Variants in NRXN3 observed in about 807,000 individuals in gnomAD.
NRXN3 encodes the protein neurexin 3.
A neutral mutation model predicts 137.6 loss-of-function variants in NRXN3; 32 were observed. The ratio of observed to expected loss-of-function variants is 0.23; its 90% CI spans 0.18 to 0.31. NRXN3 has a LOEUF of 0.31. Ranked by LOEUF, NRXN3 falls within the 10% of genes least tolerant of loss-of-function variation. The pLI, the probability that NRXN3 is intolerant of heterozygous loss-of-function variation, is 1.00. For missense variants in NRXN3, 1,574 were observed against 2,062.5 expected, an observed-to-expected ratio of 0.76 and a Z score of 4.59; for synonymous variants, 798 against 784.5, an observed-to-expected ratio of 1.02 and a Z score of -0.29.
intron 8 of NRXN3, among the ~76,000 whole-genome samples, chr14:78,785,800 A>G (rs1314189058): frequency 6.6e-6 from 1 of 152,190 alleles, no homozygotes; most frequent in Admixed American, 6.5e-5. Flanking sequence ...TGGCCATAGC[A>G]TGTACCTCCA....
intron 15 of NRXN3, among the ~76,000 whole-genome samples, chr14:79,314,923 A>G (rs926729199): frequency 1.3e-5 from 2 of 152,080 alleles, no homozygotes; most frequent in Admixed American, 6.5e-5. Flanking sequence ...GTACATCACC[A>G]TCATCAAAGA....
At chr14:79,611,076 T>C (rs1330192955) in intron 16 of NRXN3, among the ~76,000 whole-genome samples, 1 of 152,156 alleles carries the variant, frequency 6.6e-6, no homozygotes, top group Admixed American at 6.5e-5. Context: ...GCGTCAACTT[T>C]TGGAAAGTCA....
intron 4 of NRXN3, among the ~76,000 whole-genome samples, chr14:78,423,499 C>T (rs2093539613): frequency 6.6e-6 from 1 of 152,138 alleles, no homozygotes; most frequent in South Asian, 2.1e-4. Flanking sequence ...ATGACGGCGC[C>T]TCATCAATAC....
At chr14:79,280,470 A>G (rs763882614) in intron 15 of NRXN3, 14 of 1,613,966 alleles carry the variant, frequency 8.7e-6, no homozygotes, top group Non-Finnish European at 6.8e-6. Flanking sequence ...CACCATTTCC[A>G]TGGCAGCAAG....
intron 8 of NRXN3, among the ~76,000 whole-genome samples, chr14:78,731,719 A>G (rs1391132254): frequency 6.6e-6 from 1 of 151,654 alleles, no homozygotes; most frequent in East Asian, 1.9e-4. Flanking sequence ...TTTGGGAGAT[A>G]TATGTGTATA....
intron 16 of NRXN3, among the ~76,000 whole-genome samples, chr14:79,569,626 T>A (rs1378653400): frequency 2.0e-5 from 3 of 147,008 alleles, no homozygotes; most frequent in African/African-American, 7.9e-5. Context: ...TGTGTGTGTG[T>A]GTGTGAGAGA....
intron 4 of NRXN3, among the ~76,000 whole-genome samples, chr14:78,373,936 A>T (rs1025876931): frequency 3.9e-5 from 6 of 152,200 alleles, no homozygotes; most frequent in African/African-American, 1.4e-4. Context: ...TATTCTTTTT[A>T]AAAAATATTG....
intron 1 of NRXN3, among the ~76,000 whole-genome samples, chr14:78,173,534 C>T (rs1457276737): frequency 6.6e-6 from 1 of 150,784 alleles, no homozygotes; most frequent in African/African-American, 2.4e-5. Flanking sequence ...ATTTTTTCAT[C>T]CCACCACCAA....
intron 20 of NRXN3, among the ~76,000 whole-genome samples, chr14:79,847,793 G>A (rs1568442194): frequency 6.6e-6 from 1 of 151,990 alleles, no homozygotes; most frequent in South Asian, 2.1e-4. Context: ...GAGGGTCAAG[G>A]TAGTATCTTA....
chr14:78,934,843 G>C (rs1435584688), intron 10 of NRXN3, among the ~76,000 whole-genome samples: 1 of 151,932 alleles, frequency 6.6e-6, no homozygotes, highest in Non-Finnish European at 1.5e-5. Flanking sequence ...ATAGCATTAG[G>C]AGATATACCT....
chr14:78,235,353 C>T (rs964059330), intron 1 of NRXN3, among the ~76,000 whole-genome samples: 7 of 151,978 alleles, frequency 4.6e-5, no homozygotes, highest in Non-Finnish European at 1.0e-4. Context: ...TGAGATCAGG[C>T]CTGACCTCCC....
intron 4 of NRXN3, among the ~76,000 whole-genome samples, chr14:78,370,807 G>A (rs2086693486): frequency 6.6e-6 from 1 of 152,186 alleles, no homozygotes; most frequent in Non-Finnish European, 1.5e-5. Flanking sequence ...GAACTTCACT[G>A]TAAGCTTTGG....
At chr14:79,511,352 G>A (rs1039829234) in intron 16 of NRXN3, among the ~76,000 whole-genome samples, 1 of 152,188 alleles carries the variant, frequency 6.6e-6, no homozygotes, top group Non-Finnish European at 1.5e-5. Flanking sequence ...ATCTGAGAGA[G>A]CCAAGGGAAG....
At chr14:79,586,087 C>T (rs1378383061) in intron 16 of NRXN3, among the ~76,000 whole-genome samples, 2 of 152,184 alleles carry the variant, frequency 1.3e-5, no homozygotes, top group African/African-American at 4.8e-5. Context: ...TTCCCCAGGC[C>T]CTGGGAGATG....
At chr14:78,423,927 A>G (rs976028710) in intron 4 of NRXN3, among the ~76,000 whole-genome samples, 1 of 152,250 alleles carries the variant, frequency 6.6e-6, no homozygotes, top group African/African-American at 2.4e-5. Context: ...GCACAAATAT[A>G]TGAACAAGCG....
chr14:79,497,185 C>T (rs1340316279), intron 16 of NRXN3, among the ~76,000 whole-genome samples: 1 of 152,174 alleles, frequency 6.6e-6, no homozygotes, highest in Non-Finnish European at 1.5e-5. Flanking sequence ...AGAAGAGGTA[C>T]AATTAACCAT....
chr14:78,252,163 T>C (rs902122417), intron 2 of NRXN3, among the ~76,000 whole-genome samples: 3 of 143,348 alleles, frequency 2.1e-5, no homozygotes, highest in South Asian at 4.3e-4. Flanking sequence ...TTTTCTTTTT[T>C]TTTTTTTTAA....
chr14:79,283,000 A>G (rs1157828701), intron 15 of NRXN3, among the ~76,000 whole-genome samples: 1 of 152,204 alleles, frequency 6.6e-6, no homozygotes, highest in Non-Finnish European at 1.5e-5. Flanking sequence ...CTCTAACTAA[A>G]AGGACCAGAA....
intron 15 of NRXN3, among the ~76,000 whole-genome samples, chr14:79,387,342 AC>A (rs1201059368): frequency 6.6e-6 from 1 of 152,230 alleles, no homozygotes. Flanking sequence ...GCCAAAAGAA[AC>A]ATGAAAAAAT....
Sources: allele counts gnomAD v4.1 joint callset (sites outside exome capture counted in the v4.1 genomes callset), GRCh38; gene constraint gnomAD v4.1.1; transcripts MANE v1.5; gene names NCBI Gene and HGNC (gene_info 2026-07-23, HGNC 2026-07-21).